The following MAMDC2 variants were observed in gnomAD, a reference collection of about 807,000 sequenced individuals.
MAMDC2 encodes MAM domain containing 2.
A neutral mutation model predicts 89.8 loss-of-function variants in MAMDC2; 57 were observed. The observed-to-expected ratio is 0.63, with a 90% CI of 0.51 to 0.79. The LOEUF is 0.79. Among genes scored for constraint, MAMDC2 ranks in the 30% least tolerant of loss-of-function variants. The pLI, the probability that MAMDC2 is intolerant of heterozygous loss-of-function variation, is 0.00. For synonymous variants in MAMDC2, 313 were observed against 293.4 expected (o/e 1.07, Z -0.68); for missense variants, 800 against 820.6 (o/e 0.97, Z 0.31).
intron 11 of MAMDC2, among the ~76,000 whole-genome samples, chr9:70,210,262 G>A (rs1171374878): frequency 7.2e-6 from 1 of 139,840 alleles, no homozygotes; most frequent in Non-Finnish European, 1.5e-5. Context: ...ATTATTGTAT[G>A]TGAGTCTAAG....
chr9:70,108,180 A>G, intron 2 of MAMDC2, 31 bp from the exon 3 acceptor site: 1 of 1,507,804 alleles, frequency 6.6e-7, no homozygotes, highest in Non-Finnish European at 8.8e-7. Flanking sequence ...ACAAAAATTG[A>G]TCCTTTTCCT....
intron 9 of MAMDC2, among the ~76,000 whole-genome samples, chr9:70,144,157 T>G (rs977813413): frequency 3.9e-5 from 6 of 152,214 alleles, no homozygotes; most frequent in African/African-American, 1.4e-4. Context: ...TCTCTTTTTC[T>G]TTCCCTCCCT....
chr9:70,176,507 ATTTAT>A (rs1027961119), intron 11 of MAMDC2, among the ~76,000 whole-genome samples: 12 of 152,342 alleles, frequency 7.9e-5, no homozygotes, highest in South Asian at 2.1e-4. Flanking sequence ...TGTGTTCAAC[ATTTAT>A]TTTGAGTGAA....
chr9:70,159,461 G>A (rs2031887899), intron 9 of MAMDC2, among the ~76,000 whole-genome samples: 1 of 152,166 alleles, frequency 6.6e-6, no homozygotes, highest in African/African-American at 2.4e-5. Flanking sequence ...CTTTGGCTTG[G>A]GAATCAATGA....
rs778092186 is a variant in MAMDC2, at chr9:70,143,737, A to G, written c.1322A>G (p.Glu441Gly). The change falls in exon 9 of 14, where the codon GAG (glutamate) becomes GGG (glycine). Residue 441 changes from glutamate (E) to glycine (G), a missense_variant. By Grantham distance (98) the Glu-to-Gly change is moderately conservative. Transcript: ENST00000377182. ...YIFEENHVVQ[E>G]KIWSVLESPR... ...TTTGAAGAGAACCATGTGGTTCAAG[A>G]GAAGATCTGGTCTGTGTTGGAGTCC... 3.1e-6 allele frequency: 5 copies of G among 1,614,084 alleles called. No individual in the cohort carries two copies. In the African/African-American group the frequency reaches 5.3e-5, roughly 17 times the overall value.
intron 2 of MAMDC2, among the ~76,000 whole-genome samples, chr9:70,069,530 C>T (rs1827352698): frequency 6.6e-6 from 1 of 152,150 alleles, no homozygotes; most frequent in Non-Finnish European, 1.5e-5. Flanking sequence ...TATGCATAGT[C>T]TTTGGATAAT....
intron 11 of MAMDC2, among the ~76,000 whole-genome samples, chr9:70,214,463 C>A (rs1205647987): frequency 6.6e-6 from 1 of 152,176 alleles, no homozygotes; most frequent in Non-Finnish European, 1.5e-5. Context: ...AGGAATGAGA[C>A]AGGTAAGAGA....
intron 2 of MAMDC2, chr9:70,060,438 G>C (rs576991683): frequency 7.2e-5 from 11 of 152,284 alleles, no homozygotes; most frequent in African/African-American, 2.4e-4. Flanking sequence ...GATGTATCTA[G>C]GCAGAAGCAG....
intron 11 of MAMDC2, among the ~76,000 whole-genome samples, chr9:70,196,038 A>G (rs2032968602): frequency 1.3e-5 from 2 of 152,138 alleles, no homozygotes; most frequent in African/African-American, 4.8e-5. Flanking sequence ...TAATGGCAGA[A>G]GATGAAGGAA....
chr9:70,129,422 T>C (rs780384436), intron 6 of MAMDC2, among the ~76,000 whole-genome samples: 64 of 152,172 alleles, frequency 4.2e-4, no homozygotes, highest in Non-Finnish European at 7.9e-4. Context: ...TTTTCCAGTA[T>C]AAATTACCCA....
At chr9:70,061,266 T>G (rs1156393697) in intron 2 of MAMDC2, among the ~76,000 whole-genome samples, 1 of 152,184 alleles carries the variant, frequency 6.6e-6, no homozygotes, top group Non-Finnish European at 1.5e-5. Context: ...TCCCTTCTAG[T>G]TCACAAATGA....
Position 70,108,390 on chromosome 9 carries a change from A to T in MAMDC2, c.328A>T (p.Ser110Cys), listed in dbSNP as rs993405716. The T allele has an allele frequency of 1.9e-6, 3 of 1,614,020 alleles. No homozygotes were observed. In the African/African-American group the frequency reaches 4.0e-5, roughly 22 times the overall value. The change falls in exon 3 of 14, where the codon AGC becomes TGC. Residue 110 changes from serine (S) to cysteine (C), a missense_variant. Ser to Cys is a moderately radical substitution (Grantham distance 112, BLOSUM62 -1). Coordinates refer to ENST00000377182, the MANE Select transcript of MAMDC2 (RefSeq NM_153267.5). The stretch of plus-strand genomic sequence containing the variant: ...CCTCTACATGAGATTTGAAGATGAA[A>T]GCTTTGATCGCTTGCTTTGGTCAGC... ...LNLYMRFEDE[S>C]FDRLLWSAKE...
intron 8 of MAMDC2, among the ~76,000 whole-genome samples, chr9:70,140,573 A>G (rs1018690541): frequency 2.0e-5 from 3 of 152,178 alleles, no homozygotes; most frequent in Non-Finnish European, 4.4e-5. Flanking sequence ...GTTGAATTGT[A>G]TTTATACGAA....
chr9:70,200,619 T>G (rs1453669808), intron 11 of MAMDC2, among the ~76,000 whole-genome samples: 1 of 144,694 alleles, frequency 6.9e-6, no homozygotes, highest in Admixed American at 6.9e-5. Context: ...GGGGATGGCA[T>G]TGAATCTGTA....
At chr9:70,074,153 C>T (rs1259921185) in intron 2 of MAMDC2, among the ~76,000 whole-genome samples, 1 of 152,222 alleles carries the variant, frequency 6.6e-6, no homozygotes, top group Non-Finnish European at 1.5e-5. Context: ...TCATGCTTAG[C>T]CATTCCTAAG....
intron 2 of MAMDC2, among the ~76,000 whole-genome samples, chr9:70,057,858 T>G (rs1175428399): frequency 6.6e-6 from 1 of 152,226 alleles, no homozygotes; most frequent in Non-Finnish European, 1.5e-5. Flanking sequence ...CATTCTCCTT[T>G]AAGTTTCCAT....
intron 2 of MAMDC2, among the ~76,000 whole-genome samples, chr9:70,099,265 C>T (rs2997693): frequency 0.064 from 9,725 of 152,096 alleles, 981 homozygotes; most frequent in African/African-American, 0.21. Flanking sequence ...TTAAGGAGTG[C>T]TATATTATTT....
At chr9:70,225,624 T>C (rs556957484) in intron 12 of MAMDC2, 126 bp from the exon 13 acceptor site, 79 of 538,602 alleles carry the variant, frequency 1.5e-4, no homozygotes, top group African/African-American at 1.3e-3. Flanking sequence ...TAATTTGGTA[T>C]CCTTTTCCTT....
chr9:70,215,405 C>A (rs10868720), intron 11 of MAMDC2, among the ~76,000 whole-genome samples: 3 of 152,040 alleles, frequency 2.0e-5, no homozygotes, highest in South Asian at 2.1e-4. Flanking sequence ...TGCCATTTCC[C>A]TTAAGCATGC....
Sources: allele counts gnomAD v4.1 joint callset (sites outside exome capture counted in the v4.1 genomes callset), GRCh38; gene constraint gnomAD v4.1.1; transcripts MANE v1.5; gene names NCBI Gene and HGNC (gene_info 2026-07-23, HGNC 2026-07-21).